VKORC1L1: variants seen among roughly 807,000 people sequenced by gnomAD.
VKORC1L1 encodes vitamin K epoxide reductase complex subunit 1L1.
In VKORC1L1, 2 loss-of-function variants were observed where a neutral mutation model predicts 18.9. That is an observed-to-expected ratio of 0.11 (90% CI 0.04 to 0.33). VKORC1L1 has a LOEUF of 0.33. Among genes scored for constraint, VKORC1L1 ranks in the 10% least tolerant of loss-of-function variants. The pLI is 1.00. For missense variants in VKORC1L1, 123 were observed against 224.1 expected, an observed-to-expected ratio of 0.55 and a Z score of 2.88; for synonymous variants, 96 against 100.0, an observed-to-expected ratio of 0.96 and a Z score of 0.24.
At chr7:65,917,629 G>A (rs769995863) in intron 1 of VKORC1L1, among the ~76,000 whole-genome samples, 5 of 152,116 alleles carry the variant, frequency 3.3e-5, no homozygotes, top group East Asian at 1.9e-4. Context: ...GAGAATGCCT[G>A]TATATCCACC....
At chr7:65,883,845 G>A (rs1409008450) in intron 1 of VKORC1L1, among the ~76,000 whole-genome samples, 2 of 152,136 alleles carry the variant, frequency 1.3e-5, no homozygotes, top group African/African-American at 2.4e-5. Flanking sequence ...TTAGAAAAAT[G>A]TTCTTGTAGT....
rs58269522 is a variant in VKORC1L1 at position 65,900,042 on chromosome 7, CGTGTGTGTGT to C, written c.194+26514_194+26523del. On this transcript the variant is annotated intron_variant, in intron 1 of 2. Transcript: ENST00000360768. ...TTGTGCGTGTGTGCATGTGCACGCA[CGTGTGTGTGT>C]GTGTGTGTGTGTGTGTGTGTGTGTG... Among the ~76,000 whole-genome samples, 941 of 140,964 alleles carry C rather than the reference CGTGTGTGTGT, an allele frequency of 6.7e-3. 11 individuals carry two copies. The highest frequency in any genetic ancestry group is 0.017 in the African/African-American group (634 of 36,772). The allele number at this position is 140,964 out of a possible 152,430, so 92.5% of individuals were successfully genotyped here.
In VKORC1L1 at chr7:65,956,974, T is replaced by A. The variant is rs1353499252; in HGVS notation, c.*2674T>A. ...TTTGAAGAAATAACAGGAATTGGGG[T>A]TAGATGATAAATTCTAGGGAATCTA... On this transcript the variant is annotated 3_prime_UTR_variant, in exon 3 of 3. Coordinates refer to ENST00000360768, the MANE Select transcript of VKORC1L1 (RefSeq NM_173517.6). 4 of 152,120 alleles carry A rather than the reference T, an allele frequency of 2.6e-5. No homozygotes were observed. Among genetic ancestry groups the A allele is most frequent in the Admixed American group, 2.6e-4 (4 of 15,252 alleles). 9.4% of individuals were successfully genotyped at this position (152,120 alleles called of 1,614,324 possible).
chr7:65,914,208 C>T (rs949975243), intron 1 of VKORC1L1, among the ~76,000 whole-genome samples: 1 of 152,188 alleles, frequency 6.6e-6, no homozygotes, highest in Non-Finnish European at 1.5e-5. Context: ...ATCCTCCCAC[C>T]TCAGCCTCCT....
intron 1 of VKORC1L1, among the ~76,000 whole-genome samples, chr7:65,900,042 C>CGT (rs58269522): frequency 0.057 from 7,983 of 140,612 alleles, 279 homozygotes; most frequent in South Asian, 0.1. Flanking sequence ...TGTGCACGCA[C>CGT]GTGTGTGTGT....
intron 1 of VKORC1L1, among the ~76,000 whole-genome samples, chr7:65,926,980 G>A (rs926925551): frequency 4.6e-5 from 7 of 151,916 alleles, no homozygotes; most frequent in African/African-American, 1.7e-4. Context: ...TGGAAGAAAG[G>A]TGAGGGATAA....
At chr7:65,887,502 G>A (rs745766070) in intron 1 of VKORC1L1, among the ~76,000 whole-genome samples, 3 of 151,400 alleles carry the variant, frequency 2.0e-5, no homozygotes, top group South Asian at 2.1e-4. Flanking sequence ...TTGTGCTATG[G>A]CCTCCCTCAG....
intron 1 of VKORC1L1, among the ~76,000 whole-genome samples, chr7:65,932,798 A>T (rs1789879602): frequency 6.6e-6 from 1 of 152,036 alleles, no homozygotes; most frequent in South Asian, 2.1e-4. Flanking sequence ...ATGTGTGTGC[A>T]GCTGGGCGCA....
At chr7:65,921,717 G>A (rs1309615240) in intron 1 of VKORC1L1, among the ~76,000 whole-genome samples, 2 of 152,032 alleles carry the variant, frequency 1.3e-5, no homozygotes, top group Non-Finnish European at 2.9e-5. Flanking sequence ...GCGTGGTGGC[G>A]GGCGCCTGTA....
rs78890502 is a variant in VKORC1L1, at chr7:65,888,653, GT to G, written c.194+15090del. ...GGTGGTGAGGGGGGTGCAGGGGGGA[GT>G]TGACAACCTTCTTAACCACTTCAGT... On this transcript the variant is annotated intron_variant, in intron 1 of 2. Coordinates refer to ENST00000360768, the MANE Select transcript of VKORC1L1 (RefSeq NM_173517.6). 4.7e-3 allele frequency among the ~76,000 whole-genome samples: 714 copies of G among 150,728 alleles called. 7 individuals carry two copies. The highest frequency in any genetic ancestry group is 0.014 in the African/African-American group (585 of 41,308).
chr7:65,937,192 G>A (rs143706512), intron 1 of VKORC1L1, among the ~76,000 whole-genome samples: 6 of 152,182 alleles, frequency 3.9e-5, no homozygotes, highest in Non-Finnish European at 7.4e-5. Flanking sequence ...GCAAAGAAGA[G>A]GGGAAAAGAA....
intron 1 of VKORC1L1, among the ~76,000 whole-genome samples, chr7:65,886,839 GTTTT>G (rs56234924): frequency 7.7e-4 from 45 of 58,622 alleles, no homozygotes; most frequent in African/African-American, 2.4e-3. Flanking sequence ...GCCTGTCCGA[GTTTT>G]TTTTTTTTTT....
At chr7:65,866,868 G>A in the VKORC1L1 span, among the ~76,000 whole-genome samples, 8 of 152,062 alleles carry the variant, frequency 5.3e-5, no homozygotes, top group African/African-American at 1.7e-4. Flanking sequence ...AGGAGGAAGA[G>A]GAGGAGGGGG....
intron 1 of VKORC1L1, among the ~76,000 whole-genome samples, chr7:65,927,840 A>G (rs1394603196): frequency 6.6e-6 from 1 of 152,164 alleles, no homozygotes; most frequent in Non-Finnish European, 1.5e-5. Context: ...AAAGGGTACA[A>G]TTATTTATGT....
chr7:65,901,998 A>G (rs1789326219), intron 1 of VKORC1L1, among the ~76,000 whole-genome samples: 1 of 152,224 alleles, frequency 6.6e-6, no homozygotes, highest in Non-Finnish European at 1.5e-5. Context: ...ACAATGAAAA[A>G]GCAAGTCTTG....
At chr7:65,886,063 T>C (rs953597010) in intron 1 of VKORC1L1, among the ~76,000 whole-genome samples, 5 of 152,252 alleles carry the variant, frequency 3.3e-5, no homozygotes, top group Admixed American at 2.0e-4. Context: ...TATTGTGGCA[T>C]TGTTTTGTTC....
At chr7:65,907,884 G>GT (rs35763745) in intron 1 of VKORC1L1, among the ~76,000 whole-genome samples, 30 of 150,074 alleles carry the variant, frequency 2.0e-4, no homozygotes, top group Middle Eastern at 3.4e-3. Context: ...TCCCTCATCA[G>GT]TTTTTTTTTT....
At chr7:65,886,288 C>T (rs1390313630) in intron 1 of VKORC1L1, among the ~76,000 whole-genome samples, 1 of 152,020 alleles carries the variant, frequency 6.6e-6, no homozygotes, top group Admixed American at 6.6e-5. Context: ...TGATTAAGGA[C>T]CATTTAATCA....
At position 65,909,737 on chromosome 7, in the gene VKORC1L1, T is replaced by TGA. The variant is rs1554396843; in HGVS notation, c.194+36173_194+36174dup. Among the ~76,000 whole-genome samples, 514 of 145,266 alleles carry TGA rather than the reference T, an allele frequency of 3.5e-3. 5 individuals are homozygous for TGA. The highest frequency in any genetic ancestry group is 0.018 in the Middle Eastern group (5 of 284). ...GTGTGTGTGTGTGTGTGTGTGTGTG[T>TGA]GACGGAGGCTTGCTCTGTCGCCCAG... On this transcript the variant is annotated intron_variant, in intron 1 of 2. Transcript: ENST00000360768.
Sources: allele counts gnomAD v4.1 joint callset (sites outside exome capture counted in the v4.1 genomes callset), GRCh38; gene constraint gnomAD v4.1.1; transcripts MANE v1.5; gene names NCBI Gene and HGNC (gene_info 2026-07-23, HGNC 2026-07-21).